The following BNC2 variants were observed in gnomAD, a reference collection of about 807,000 sequenced individuals.
BNC2 encodes the protein basonuclin zinc finger protein 2.
BNC2 carries 20 observed loss-of-function variants against 76.3 expected under a neutral mutation model. The ratio of observed to expected loss-of-function variants is 0.26; its 90% CI spans 0.18 to 0.38. The LOEUF is 0.38. Ranked by LOEUF, BNC2 falls within the 10% of genes least tolerant of loss-of-function variation. The probability of loss-of-function intolerance (pLI) is 1.00; values close to 1 mark genes in which losing one functional copy is unlikely to be tolerated. For synonymous variants in BNC2, 582 were observed against 514.8 expected (o/e 1.13, Z -1.77); for missense variants, 1,382 against 1,399.8 (o/e 0.99, Z 0.20).
At chr9:16,490,383 T>C (rs935368229) in intron 5 of BNC2, among the ~76,000 whole-genome samples, 2 of 152,112 alleles carry the variant, frequency 1.3e-5, no homozygotes, top group African/African-American at 4.8e-5. Context: ...GCCCCCATGA[T>C]TCAATTACCT....
Position 16,616,782 on chromosome 9 carries a change from A to AGGAG in BNC2, c.331-33698_331-33697insCTCC, listed in dbSNP as rs1396408567. ...GAAGACAGGGATGGGAGGGGAGGGG[A>AGGAG]GGAAGGAGGGAAGGAAGGAAGGAAG... On this transcript the variant is annotated intron_variant, in intron 3 of 6. Coordinates refer to ENST00000380672, the MANE Select transcript of BNC2 (RefSeq NM_017637.6). Among the ~76,000 whole-genome samples, 7 of 130,684 alleles carry AGGAG rather than the reference A, an allele frequency of 5.4e-5. No homozygotes were observed. The East Asian group carries it at 1.2e-3, about 23-fold the overall frequency. The allele number at this position is 130,684 out of a possible 152,430, so 85.7% of individuals were successfully genotyped here.
chr9:16,447,431 G>A (rs1407107901), intron 5 of BNC2, among the ~76,000 whole-genome samples: 1 of 152,064 alleles, frequency 6.6e-6, no homozygotes, highest in Admixed American at 6.6e-5. Context: ...CTGAACATAT[G>A]AATCACTTTA....
At chr9:16,465,195 A>G (rs1821677689) in intron 5 of BNC2, among the ~76,000 whole-genome samples, 1 of 152,156 alleles carries the variant, frequency 6.6e-6, no homozygotes, top group East Asian at 1.9e-4. Context: ...CAACACTTTG[A>G]GAGGCTAAGG....
Position 16,419,569 on chromosome 9 carries a change from G to T in BNC2, c.2720C>A (p.Ser907Tyr). The T allele has an allele frequency of 6.2e-7, 1 of 1,613,304 alleles. No individual in the cohort carries two copies. Among genetic ancestry groups the T allele is most frequent in the Non-Finnish European group, 8.5e-7 (1 of 1,179,756 alleles). Reference sequence around the variant, plus strand: ...TTCATCGCGGAGGTCCTTGCTAAGGGAGGGCTGCGACGAGTCCAGGCCCAT... The same window carrying T: ...TTCATCGCGGAGGTCCTTGCTAAGGTAGGGCTGCGACGAGTCCAGGCCCAT... ...DDMGLDSSQP[S>Y]LSKDLRDEFL... The change falls in exon 7 of 7, where the codon TCC becomes TAC. Residue 907 changes from serine (S) to tyrosine (Y), a missense_variant. Around this residue, in one of 3 missense-constraint regions of BNC2, gnomAD observed 798 missense variants for 775.5 expected, o/e 1.03. Coordinates refer to ENST00000380672, the MANE Select transcript of BNC2 (RefSeq NM_017637.6).
At chr9:16,646,279 G>GA (rs1242017423) in intron 3 of BNC2, among the ~76,000 whole-genome samples, 1 of 152,188 alleles carries the variant, frequency 6.6e-6, no homozygotes, top group Non-Finnish European at 1.5e-5. Flanking sequence ...GTAAAAAAGT[G>GA]AAAGTCTGAT....
At chr9:16,859,509 T>C (rs4961423) in intron 1 of BNC2, among the ~76,000 whole-genome samples, 149,470 of 152,342 alleles carry the variant, frequency 0.98, 73,383 homozygotes, top group Middle Eastern at 1. Context: ...AAATATTATT[T>C]AGCCTTAAAA....
rs181656132 is a variant in BNC2 at position 16,495,522 on chromosome 9, C to T, written c.669+57008G>A. ...TGCGTTCTGGCTAGAGATTTGGGTC[C>T]GGTCCTTCTGGGGACAGGGTGCTCA... On this transcript the variant is annotated intron_variant, in intron 5 of 6. Coordinates refer to ENST00000380672, the MANE Select transcript of BNC2 (RefSeq NM_017637.6). Among the ~76,000 whole-genome samples, 201 of 152,306 alleles carry T rather than the reference C, an allele frequency of 1.3e-3. 2 individuals are homozygous for T. Among genetic ancestry groups the T allele is most frequent in the African/African-American group, 4.5e-3 (189 of 41,566 alleles).
chr9:16,550,580 G>C (rs1402971618), intron 5 of BNC2, among the ~76,000 whole-genome samples: 1 of 152,212 alleles, frequency 6.6e-6, no homozygotes, highest in African/African-American at 2.4e-5. Context: ...AGTGCTACCT[G>C]AGCTTTGTTA....
chr9:16,728,197 T>G (rs537975523), intron 2 of BNC2, 200 bp from the exon 3 acceptor site: 8 of 649,356 alleles, frequency 1.2e-5, no homozygotes, highest in East Asian at 1.1e-4. Flanking sequence ...AAGCTTGCCT[T>G]TGCTCAGTTT....
chr9:16,468,368 G>C (rs1340608742), intron 5 of BNC2, among the ~76,000 whole-genome samples: 2 of 151,586 alleles, frequency 1.3e-5, no homozygotes, highest in East Asian at 3.9e-4. Flanking sequence ...ATTCTGCTAG[G>C]TATTTTATAT....
intron 5 of BNC2, among the ~76,000 whole-genome samples, chr9:16,533,966 C>A (rs554147067): frequency 6.7e-6 from 1 of 149,860 alleles, no homozygotes; most frequent in South Asian, 2.1e-4. Context: ...CTACAAAAAA[C>A]GTCTGACTTC....
intron 6 of BNC2, among the ~76,000 whole-genome samples, chr9:16,422,607 G>A (rs1820731375): frequency 6.6e-6 from 1 of 152,186 alleles, no homozygotes; most frequent in Non-Finnish European, 1.5e-5. Context: ...TTGAAGTGGA[G>A]ATGGGAAGGA....
chr9:16,832,682 T>G (rs545901570), intron 1 of BNC2, among the ~76,000 whole-genome samples: 1 of 152,216 alleles, frequency 6.6e-6, no homozygotes, highest in East Asian at 1.9e-4. Flanking sequence ...AACAAAGTGG[T>G]AAGAGCTGAA....
At chr9:16,645,217 G>C (rs940767978) in intron 3 of BNC2, among the ~76,000 whole-genome samples, 5 of 152,160 alleles carry the variant, frequency 3.3e-5, no homozygotes, top group African/African-American at 1.2e-4. Flanking sequence ...GAGGCACAGG[G>C]AGACAGTCTA....
At chr9:16,506,511 C>CTTTTTTTTTTTTTT (rs1563814965) in intron 5 of BNC2, among the ~76,000 whole-genome samples, 2 of 81,428 alleles carry the variant, frequency 2.5e-5, no homozygotes, top group African/African-American at 5.5e-5. Flanking sequence ...TCTCTCTCTC[C>CTTTTTTTTTTTTTT]TCTTTTTTTT....
Position 16,436,145 on chromosome 9 carries a change from G to C in BNC2, c.2049C>G (p.Ser683Arg), listed in dbSNP as rs543567537. 2.5e-6 allele frequency: 4 copies of C among 1,614,126 alleles called. No individual in the cohort carries two copies. In the African/African-American group the frequency reaches 4.0e-5, roughly 16 times the overall value. Residue 683 changes from serine (S) to arginine (R), a missense_variant, in exon 6 of 7, where the codon AGC (serine) becomes AGG (arginine). Physicochemically the swap from Ser to Arg is moderately radical, Grantham distance 110. Around this residue, in one of 3 missense-constraint regions of BNC2, gnomAD observed 798 missense variants for 775.5 expected, o/e 1.03. Transcript: ENST00000380672. ...DNHCHSQEEM[S>R]PGMSVKDFSK... ...AAAAGTCCTTCACAGACATGCCTGG[G>C]CTCATCTCCTCTTGGGAGTGACAAT...
Position 16,780,257 on chromosome 9 carries a change from C to CAA in BNC2, c.4-41774_4-41773dup, listed in dbSNP as rs1212395782. ...TTTCAAAAAAAAAAAAAAAAAAAAA[C>CAA]AAAAAAAAACTACTGAAACTAATAA... is the stretch of plus-strand genomic sequence containing the variant. On this transcript the variant is annotated intron_variant, in intron 1 of 6. Transcript: ENST00000380672. Among the ~76,000 whole-genome samples, 186 of 78,712 alleles carry CAA rather than the reference C, an allele frequency of 2.4e-3. 2 individuals carry two copies. The Middle Eastern group carries it at 0.03, about 13-fold the overall frequency. 51.6% of individuals were successfully genotyped at this position (78,712 alleles called of 152,430 possible).
At chr9:16,530,006 C>A (rs948703803) in intron 5 of BNC2, among the ~76,000 whole-genome samples, 2 of 152,034 alleles carry the variant, frequency 1.3e-5, no homozygotes, top group Non-Finnish European at 2.9e-5. Context: ...GACCACCATG[C>A]CCAGCTAATT....
intron 3 of BNC2, among the ~76,000 whole-genome samples, chr9:16,718,560 C>A (rs1420615546): frequency 1.3e-5 from 2 of 152,088 alleles, no homozygotes; most frequent in African/African-American, 2.4e-5. Flanking sequence ...TCTATCCTAG[C>A]GCAATTCTAA....
Sources: allele counts gnomAD v4.1 joint callset (sites outside exome capture counted in the v4.1 genomes callset), GRCh38; gene constraint gnomAD v4.1.1; regional missense constraint gnomAD v4.1.1; transcripts MANE v1.5; gene names NCBI Gene and HGNC (gene_info 2026-07-23, HGNC 2026-07-21).